The following KAT6A variants were observed in gnomAD, a reference collection of about 807,000 sequenced individuals.
KAT6A encodes the protein histone acetyltransferase KAT6A.
KAT6A carries 9 observed loss-of-function variants against 198.4 expected under a neutral mutation model. That is an observed-to-expected ratio of 0.05 (90% CI 0.03 to 0.08). KAT6A has a LOEUF of 0.08. Among genes scored for constraint, KAT6A ranks in the 10% least tolerant of loss-of-function variants. KAT6A has a pLI of 1.00. For missense variants in KAT6A, 2,077 were observed against 2,509.9 expected, an observed-to-expected ratio of 0.83 and a Z score of 3.69; for synonymous variants, 890 against 883.0, an observed-to-expected ratio of 1.01 and a Z score of -0.14.
intron 8 of KAT6A, among the ~76,000 whole-genome samples, chr8:41,973,149 G>A (rs1275225482): frequency 4.6e-5 from 7 of 152,142 alleles, no homozygotes; most frequent in Non-Finnish European, 8.8e-5. Context: ...CATAATGACC[G>A]ACATCAACAG....
chr8:41,993,177 C>G (rs1371879700), intron 2 of KAT6A, among the ~76,000 whole-genome samples: 1 of 152,152 alleles, frequency 6.6e-6, no homozygotes, highest in African/African-American at 2.4e-5. Flanking sequence ...CCATTCAAAC[C>G]TATTCATCAA....
At chr8:41,962,367 C>G (rs1823241805) in intron 8 of KAT6A, among the ~76,000 whole-genome samples, 1 of 152,048 alleles carries the variant, frequency 6.6e-6, no homozygotes, top group Non-Finnish European at 1.5e-5. Flanking sequence ...AAATCTTTTC[C>G]CCAAATGTGC....
chr8:41,995,000 G>A (rs1825126253), intron 2 of KAT6A, among the ~76,000 whole-genome samples: 1 of 150,164 alleles, frequency 6.7e-6, no homozygotes, highest in Non-Finnish European at 1.5e-5. Context: ...AGGTTGCAGT[G>A]AGCCAAGAAC....
At chr8:41,936,569 G>C (rs1821865541) in intron 16 of KAT6A, among the ~76,000 whole-genome samples, 2 of 152,288 alleles carry the variant, frequency 1.3e-5, no homozygotes, top group African/African-American at 4.8e-5. Flanking sequence ...TTTCTGACCT[G>C]GCTCATATAT....
intron 1 of KAT6A, among the ~76,000 whole-genome samples, chr8:42,050,443 C>CAATA (rs1802552530): frequency 1.3e-5 from 2 of 152,156 alleles, no homozygotes; most frequent in Admixed American, 6.5e-5. Flanking sequence ...ATAAACAATG[C>CAATA]TAGACAAATG....
chr8:41,987,070 G>A (rs1000106054), intron 3 of KAT6A, among the ~76,000 whole-genome samples: 3 of 152,070 alleles, frequency 2.0e-5, no homozygotes, highest in Admixed American at 6.5e-5. Flanking sequence ...GACCACATAT[G>A]ACTGTAGCCC....
At chr8:42,004,912 G>C (rs1825663438) in intron 2 of KAT6A, among the ~76,000 whole-genome samples, 1 of 151,424 alleles carries the variant, frequency 6.6e-6, no homozygotes, top group Admixed American at 6.6e-5. Context: ...TGGGCGACAA[G>C]AGTGAAACTC....
chr8:42,002,145 A>T (rs1298117135), intron 2 of KAT6A, among the ~76,000 whole-genome samples: 1 of 152,156 alleles, frequency 6.6e-6, no homozygotes, highest in Non-Finnish European at 1.5e-5. Context: ...TCCTATGGGG[A>T]AGGTAATATC....
At chr8:42,027,930 T>C (rs945626786) in intron 2 of KAT6A, among the ~76,000 whole-genome samples, 1 of 152,206 alleles carries the variant, frequency 6.6e-6, no homozygotes, top group African/African-American at 2.4e-5. Context: ...TAAACTTCCC[T>C]CTTAACTCTG....
intron 12 of KAT6A, among the ~76,000 whole-genome samples, chr8:41,945,397 A>G (rs1009025722): frequency 1.3e-5 from 2 of 151,578 alleles, no homozygotes; most frequent in African/African-American, 4.9e-5. Context: ...CAGCCTCCCA[A>G]GTAGCTGGGA....
intron 8 of KAT6A, among the ~76,000 whole-genome samples, chr8:41,963,208 T>C (rs1272968465): frequency 6.6e-6 from 1 of 152,174 alleles, no homozygotes; most frequent in African/African-American, 2.4e-5. Context: ...ATATTTATTA[T>C]TAGATAAATA....
At chr8:42,016,722 T>C (rs534263762) in intron 2 of KAT6A, among the ~76,000 whole-genome samples, 16 of 152,280 alleles carry the variant, frequency 1.1e-4, no homozygotes, top group Admixed American at 2.6e-4. Context: ...AGGAGGGAGA[T>C]AGAAGAAATT....
At chr8:41,951,836 C>A (rs1435501853) in intron 9 of KAT6A, among the ~76,000 whole-genome samples, 2 of 152,076 alleles carry the variant, frequency 1.3e-5, no homozygotes, top group African/African-American at 2.4e-5. Flanking sequence ...AAAAATTATA[C>A]CAAATATTAC....
intron 2 of KAT6A, among the ~76,000 whole-genome samples, chr8:42,023,231 T>C (rs1047167230): frequency 3.3e-5 from 5 of 152,110 alleles, no homozygotes; most frequent in Admixed American, 6.5e-5. Flanking sequence ...GGACTAGAAG[T>C]TGCCCCAAGA....
chr8:41,999,504 C>G (rs1386695892), intron 2 of KAT6A, among the ~76,000 whole-genome samples: 1 of 152,144 alleles, frequency 6.6e-6, no homozygotes, highest in Non-Finnish European at 1.5e-5. Context: ...TGACTTTTTT[C>G]TGCATATTGC....
Position 41,955,415 on chromosome 8 carries a change from T to C in KAT6A, c.1483-4A>G. 1 of 1,580,902 alleles carries C rather than the reference T, an allele frequency of 6.3e-7. No homozygotes were observed. The highest frequency in any genetic ancestry group is 8.7e-7 in the Non-Finnish European group (1 of 1,152,076). On this transcript the variant is annotated splice_polypyrimidine_tract_variant and splice_region_variant and intron_variant, in intron 8 of 16. Coordinates refer to ENST00000265713, the MANE Select transcript of KAT6A (RefSeq NM_006766.5). ...GGGGACCAGTCACTCCAACTTTCTG[T>C]GCAGTCAAGAAATACATTCAAAAGT...
intron 2 of KAT6A, among the ~76,000 whole-genome samples, chr8:42,001,623 T>C (rs1825497711): frequency 6.6e-6 from 1 of 152,216 alleles, no homozygotes; most frequent in Non-Finnish European, 1.5e-5. Context: ...TTCTGTGCAG[T>C]GCAGAGCAGA....
In KAT6A at chr8:42,051,912, A is replaced by C. The variant is rs1449088139; in HGVS notation, c.-337T>G. The C allele has an allele frequency of 2.7e-5, 4 of 148,998 alleles. No homozygotes were observed. The highest frequency in any genetic ancestry group is 6.6e-5 in the Admixed American group (1 of 15,098). 9.2% of individuals were successfully genotyped at this position (148,998 alleles called of 1,614,324 possible). A position where few individuals can be genotyped will look rare whatever the true frequency, so the allele number is the denominator to read the frequency against. On this transcript the variant is annotated 5_prime_UTR_variant, in exon 1 of 17. Transcript: ENST00000265713. ...CCTCGGCTACTTACCGGGAGGAAGG[A>C]CAGCCGAGATCCCGGGGCCCCGGGC...
At chr8:41,992,308 A>T (rs963981960) in intron 2 of KAT6A, among the ~76,000 whole-genome samples, 1 of 152,240 alleles carries the variant, frequency 6.6e-6, no homozygotes, top group Non-Finnish European at 1.5e-5. Flanking sequence ...CTAAAGTCAC[A>T]GGACCAACAA....
Sources: gnomAD v4.1 joint callset for allele counts (sites outside exome capture counted in the v4.1 genomes callset) on GRCh38, gnomAD v4.1.1 for gene constraint, MANE v1.5 for transcripts, NCBI Gene and HGNC (gene_info 2026-07-23, HGNC 2026-07-21) for gene names.